AASS: variants seen among roughly 807,000 people sequenced by gnomAD.
AASS encodes aminoadipate-semialdehyde synthase.
AASS carries 86 observed loss-of-function variants against 105.4 expected under a neutral mutation model. The ratio of observed to expected loss-of-function variants is 0.82; its 90% CI spans 0.69 to 0.98. The LOEUF (loss-of-function observed/expected upper bound fraction) is 0.98. Ranked by LOEUF, AASS falls within the 50% of genes least tolerant of loss-of-function variation. The pLI, the probability that AASS is intolerant of heterozygous loss-of-function variation, is 0.00. For missense variants in AASS, 1,048 were observed against 1,143.2 expected (o/e 0.92, Z 1.20); for synonymous variants, 381 against 394.8 (o/e 0.96, Z 0.41).
intron 13 of AASS, among the ~76,000 whole-genome samples, chr7:122,099,101 A>C (rs1794311827): frequency 6.6e-6 from 1 of 151,832 alleles, no homozygotes; most frequent in Admixed American, 6.6e-5. Context: ...GACATCTCTG[A>C]GATATATATC....
At chr7:122,090,712 A>C (rs1793856524) in intron 18 of AASS, among the ~76,000 whole-genome samples, 1 of 152,134 alleles carries the variant, frequency 6.6e-6, no homozygotes, top group Non-Finnish European at 1.5e-5. Context: ...ATTTTTCTCC[A>C]AACTATGAGC....
intron 9 of AASS, among the ~76,000 whole-genome samples, chr7:122,114,829 G>A (rs541555664): frequency 6.6e-6 from 1 of 152,108 alleles, no homozygotes; most frequent in East Asian, 1.9e-4. Context: ...TCTGCTTGGG[G>A]TCCAGAGATT....
chr7:122,089,808 G>A (rs1021684173), intron 18 of AASS, among the ~76,000 whole-genome samples: 7 of 152,130 alleles, frequency 4.6e-5, no homozygotes, highest in Non-Finnish European at 1.0e-4. Context: ...GTTGCACTCT[G>A]CTGACCCTTT....
intron 18 of AASS, among the ~76,000 whole-genome samples, chr7:122,090,392 C>T (rs1004271400): frequency 1.3e-5 from 2 of 152,062 alleles, no homozygotes; most frequent in South Asian, 2.1e-4. Flanking sequence ...GGGGATGAGG[C>T]GCTGGTACTT....
At chr7:122,086,715 T>C (rs1355651222) in intron 18 of AASS, among the ~76,000 whole-genome samples, 3 of 152,164 alleles carry the variant, frequency 2.0e-5, no homozygotes. Flanking sequence ...TTCTTTTACT[T>C]TCATGAGCCT....
rs376009620 is a variant in AASS at position 122,098,483 on chromosome 7, C to A, written c.1622G>T (p.Gly541Val). Residue 541 changes from glycine (G) to valine (V), a missense_variant, in exon 15 of 24, where the codon GGC (glycine) becomes GTC (valine). Transcript: ENST00000417368. ...MDICKQEEKL[G>V]FLVAKQDLVI... Reference sequence around the variant, plus strand: ...AAGATCCTGTTTTGCCACCAAGAAGCCCAGCTTCTCTTCTTGTTTACAAAT... The same window carrying A: ...AAGATCCTGTTTTGCCACCAAGAAGACCAGCTTCTCTTCTTGTTTACAAAT... The A allele has an allele frequency of 6.2e-7, 1 of 1,612,148 alleles. No individual in the cohort carries two copies.
chr7:122,119,792 T>C (rs1380337570), intron 4 of AASS, among the ~76,000 whole-genome samples: 1 of 152,190 alleles, frequency 6.6e-6, no homozygotes, highest in Non-Finnish European at 1.5e-5. Flanking sequence ...TAAGTTCTTC[T>C]AAAGTTACAT....
intron 2 of AASS, 71 bp from the exon 3 acceptor site, chr7:122,129,608 G>T: frequency 7.2e-7 from 1 of 1,393,008 alleles, no homozygotes; most frequent in South Asian, 1.2e-5. Flanking sequence ...AGCAAAATGT[G>T]TAGCAAAGGC....
chr7:122,082,324 TC>T (rs1793380484), intron 19 of AASS, among the ~76,000 whole-genome samples: 1 of 152,168 alleles, frequency 6.6e-6, no homozygotes, highest in Non-Finnish European at 1.5e-5. Flanking sequence ...GCTGTGTTCT[TC>T]CAGAAACCAG....
intron 13 of AASS, among the ~76,000 whole-genome samples, chr7:122,100,528 G>C (rs886804415): frequency 1.3e-5 from 2 of 151,784 alleles, no homozygotes; most frequent in African/African-American, 4.8e-5. Flanking sequence ...CGCTTGATCT[G>C]GGCAGATCTC....
At chr7:122,094,874 A>T (rs1794075364) in intron 15 of AASS, among the ~76,000 whole-genome samples, 1 of 151,982 alleles carries the variant, frequency 6.6e-6, no homozygotes, top group South Asian at 2.1e-4. Context: ...GGCCATCTTG[A>T]CCTAGTTTGA....
At chr7:122,123,060 T>C (rs1313326945) in intron 4 of AASS, among the ~76,000 whole-genome samples, 1 of 152,204 alleles carries the variant, frequency 6.6e-6, no homozygotes, top group Non-Finnish European at 1.5e-5. Flanking sequence ...CTCTGGCTGA[T>C]GGGACAAACT....
chr7:122,086,879 T>C (rs547297050), intron 18 of AASS, among the ~76,000 whole-genome samples: 1 of 152,312 alleles, frequency 6.6e-6, no homozygotes, highest in East Asian at 1.9e-4. Flanking sequence ...AGTACTTCTC[T>C]TTCCCATACC....
At chr7:122,086,929 T>C (rs987646459) in intron 18 of AASS, among the ~76,000 whole-genome samples, 11 of 152,214 alleles carry the variant, frequency 7.2e-5, no homozygotes, top group Admixed American at 5.9e-4. Context: ...AATGAAGGAT[T>C]TCTTTGTCTC....
At chr7:122,132,330 A>G (rs1012848957) in intron 2 of AASS, among the ~76,000 whole-genome samples, 2 of 152,356 alleles carry the variant, frequency 1.3e-5, no homozygotes, top group African/African-American at 2.4e-5. Flanking sequence ...TCTTTTCTAA[A>G]GAAGAATGTC....
At chr7:122,143,081 A>G (rs868615549) in intron 1 of AASS, among the ~76,000 whole-genome samples, 14 of 152,218 alleles carry the variant, frequency 9.2e-5, no homozygotes, top group South Asian at 8.3e-4. Context: ...TCTTCATGGG[A>G]AAAAAAGAAG....
chr7:122,117,993 A>G (rs919132536), intron 6 of AASS, among the ~76,000 whole-genome samples: 2 of 152,156 alleles, frequency 1.3e-5, no homozygotes, highest in African/African-American at 4.8e-5. Context: ...GAAACGAAGA[A>G]AAAGTATTCC....
chr7:122,104,943 G>GA lies in AASS; in HGVS notation c.1279-3264dup, dbSNP rs151161048. On this transcript the variant is annotated intron_variant, in intron 11 of 23. Coordinates refer to ENST00000417368, the MANE Select transcript of AASS (RefSeq NM_005763.4). ...GAACCTAAAATAAAAGTTGCAAAGA[G>GA]AAAAAAAAAATAAGCTCTCACTATA... 5.6e-4 allele frequency among the ~76,000 whole-genome samples: 83 copies of GA among 147,714 alleles called. 4 individuals carry two copies. The East Asian group carries it at 0.013, about 24-fold the overall frequency.
rs1482106291 is a variant in AASS, at chr7:122,089,179, T to C, written c.2016+2524A>G. 2.0e-5 allele frequency among the ~76,000 whole-genome samples: 3 copies of C among 152,044 alleles called. No homozygotes were observed. The East Asian group carries it at 5.8e-4, about 29-fold the overall frequency. On this transcript the variant is annotated intron_variant, in intron 18 of 23. Coordinates refer to ENST00000417368, the MANE Select transcript of AASS (RefSeq NM_005763.4). Reference sequence around the variant, plus strand: ...TGAAGGGCAAGAATACAAGAGAGGTTTTAAGTTGTTCAACAATCTGGCTTG... The same window carrying C: ...TGAAGGGCAAGAATACAAGAGAGGTCTTAAGTTGTTCAACAATCTGGCTTG...
Sources: gnomAD v4.1 joint callset for allele counts (sites outside exome capture counted in the v4.1 genomes callset) on GRCh38, gnomAD v4.1.1 for gene constraint, MANE v1.5 for transcripts, NCBI Gene and HGNC (gene_info 2026-07-23, HGNC 2026-07-21) for gene names.